Variants in GPR155 observed in about 807,000 individuals in gnomAD.
GPR155 encodes G protein-coupled receptor 155.
In GPR155, 65 loss-of-function variants were observed where a neutral mutation model predicts 93.1. That is an observed-to-expected ratio of 0.70 (90% CI 0.57 to 0.86). The LOEUF is 0.86. Ranked by LOEUF, GPR155 falls within the 40% of genes least tolerant of loss-of-function variation. The pLI is 0.00. For synonymous variants in GPR155, 319 were observed against 360.1 expected (o/e 0.89, Z 1.29); for missense variants, 838 against 1,034.8 (o/e 0.81, Z 2.61).
chr2:174,476,034 A>G (rs1449858826), intron 2 of GPR155, among the ~76,000 whole-genome samples: 1 of 152,188 alleles, frequency 6.6e-6, no homozygotes, highest in African/African-American at 2.4e-5. Context: ...TTGTTTTAAG[A>G]ACTCAGTGCA....
At chr2:174,465,482 A>G (rs752908087) in intron 7 of GPR155, among the ~76,000 whole-genome samples, 4 of 152,158 alleles carry the variant, frequency 2.6e-5, no homozygotes, top group Non-Finnish European at 5.9e-5. Context: ...GCCTTTCTCC[A>G]TCTGCCTTCA....
At chr2:174,475,201 G>A (rs374003133) in intron 2 of GPR155, among the ~76,000 whole-genome samples, 17 of 147,824 alleles carry the variant, frequency 1.2e-4, no homozygotes, top group Admixed American at 2.7e-4. Flanking sequence ...AGGCTGAGGC[G>A]GGAGAATGGC....
chr2:174,444,861 C>T (rs773244479), intron 13 of GPR155, among the ~76,000 whole-genome samples: 1 of 152,062 alleles, frequency 6.6e-6, no homozygotes, highest in Non-Finnish European at 1.5e-5. Context: ...AAGCACTCAG[C>T]GTACATTCTG....
intron 5 of GPR155, among the ~76,000 whole-genome samples, chr2:174,467,198 C>CAA (rs544972072): frequency 6.6e-6 from 1 of 150,726 alleles, no homozygotes; most frequent in Non-Finnish European, 1.5e-5. Context: ...CAAAGCAAAA[C>CAA]AAAAAAAAAC....
At chr2:174,473,508 T>G (rs2105729375) in intron 2 of GPR155, 144 bp from the exon 3 acceptor site, 1 of 550,784 alleles carries the variant, frequency 1.8e-6, no homozygotes, top group East Asian at 3.3e-5. Flanking sequence ...GAAAAGTACA[T>G]TTTAGTAATA....
Position 174,481,838 on chromosome 2 carries a change from G to C in GPR155, c.119C>G (p.Thr40Arg). The stretch of plus-strand genomic sequence containing the variant: ...TTCCAGTAAGGCTGGAAAAAGCCTT[G>C]TAATTGACATTGAAGGTGGGTCATT... ...STNDPPSMSI[T>R]RLFPALLECF... Residue 40 changes from threonine (T) to arginine (R), a missense_variant, in exon 2 of 16, where the codon ACA becomes AGA. Transcript: ENST00000392552. 1 of 1,614,138 alleles carries C rather than the reference G, an allele frequency of 6.2e-7. No homozygotes were observed. Among genetic ancestry groups the C allele is most frequent in the Non-Finnish European group, 8.5e-7 (1 of 1,179,950 alleles).
At chr2:174,437,000 A>C (rs1161435201) in intron 15 of GPR155, among the ~76,000 whole-genome samples, 1 of 152,258 alleles carries the variant, frequency 6.6e-6, no homozygotes, top group Admixed American at 6.5e-5. Context: ...TTCATTAGGA[A>C]GCAAGGAAAG....
Position 174,459,875 on chromosome 2 carries a change from T to C in GPR155, c.1771+3A>G, listed in dbSNP as rs1687631641. 1 of 1,585,786 alleles carries C rather than the reference T, an allele frequency of 6.3e-7. No homozygotes were observed. The highest frequency in any genetic ancestry group is 8.7e-7 in the Non-Finnish European group (1 of 1,155,194). On this transcript the variant is annotated splice_donor_region_variant and intron_variant, in intron 10 of 15. Transcript: ENST00000392552. ...AATAAAAATAAAATTAAAAAGATCATACTTGTTTCTGGAATAGAGCTTGTA... is the reference window on the plus strand; with the variant it reads ...AATAAAAATAAAATTAAAAAGATCACACTTGTTTCTGGAATAGAGCTTGTA...
chr2:174,460,913 G>A (rs1181015065), intron 9 of GPR155, among the ~76,000 whole-genome samples: 1 of 152,066 alleles, frequency 6.6e-6, no homozygotes, highest in African/African-American at 2.4e-5. Flanking sequence ...AAAAGAGTAA[G>A]AAATCAAAAT....
chr2:174,466,629 T>C lies in GPR155; in HGVS notation c.1183-2A>G, dbSNP rs1274924786. 3.3e-6 allele frequency: 5 copies of C among 1,535,358 alleles called. No homozygotes were observed. The highest frequency in any genetic ancestry group is 3.6e-5 in the Admixed American group (2 of 55,022). On this transcript the variant is annotated splice_acceptor_variant, in intron 5 of 15. Coordinates refer to ENST00000392552, the MANE Select transcript of GPR155 (RefSeq NM_152529.7). LOFTEE classifies it high-confidence loss of function. ...AAGAAGAATAGCCAGAGACCAGATC[T>C]TGAAGACAAAAGGTTCAAAAGTTAT...
intron 6 of GPR155, 126 bp from the exon 7 acceptor site, chr2:174,466,028 G>C (rs1024330913): frequency 1.8e-6 from 1 of 562,854 alleles, no homozygotes; most frequent in Non-Finnish European, 3.2e-6. Context: ...ATAATTATTT[G>C]TTTAAAATTT....
At chr2:174,440,504 A>G (rs548470604) in intron 14 of GPR155, among the ~76,000 whole-genome samples, 1 of 152,276 alleles carries the variant, frequency 6.6e-6, no homozygotes, top group African/African-American at 2.4e-5. Context: ...ACACATTAGA[A>G]TCGTTGATTA....
intron 11 of GPR155, 116 bp from the exon 12 acceptor site, chr2:174,446,863 T>C (rs1324047838): frequency 2.2e-6 from 2 of 904,020 alleles, no homozygotes; most frequent in Non-Finnish European, 3.5e-6. Context: ...TAAGAATCAG[T>C]ATATTATTTT....
Position 174,436,268 on chromosome 2 carries a change from C to G in GPR155, c.2461G>C (p.Glu821Gln). Reference sequence around the variant, plus strand: ...AAGTACTCATCCCGGAATTCATACTCGTTGGTAATATGTTGGATGACTCCC... The same window carrying G: ...AAGTACTCATCCCGGAATTCATACTGGTTGGTAATATGTTGGATGACTCCC... ...QGGVIQHITN[E>Q]YEFRDEYLFY... is the part of the protein sequence containing the mutation. The change falls in exon 16 of 16, where the codon GAG (glutamate) becomes CAG (glutamine). Residue 821 changes from glutamate (E) to glutamine (Q), a missense_variant. Transcript: ENST00000392552. The G allele has an allele frequency of 6.2e-7, 1 of 1,614,118 alleles. No homozygotes were observed. Among genetic ancestry groups the G allele is most frequent in the Non-Finnish European group, 8.5e-7 (1 of 1,179,966 alleles).
At chr2:174,486,077 T>C (rs1489272046) in intron 1 of GPR155, among the ~76,000 whole-genome samples, 1 of 152,194 alleles carries the variant, frequency 6.6e-6, no homozygotes, top group Non-Finnish European at 1.5e-5. Flanking sequence ...AGGCTATTTC[T>C]CAAACATCCA....
rs567889139 is a variant in GPR155, at chr2:174,438,531, CAG to C, written c.2312+1365_2312+1366del. On this transcript the variant is annotated intron_variant, in intron 15 of 15. Transcript: ENST00000392552. The stretch of plus-strand genomic sequence containing the variant: ...GGTTTTTGTTTGTTTGTTTTTGAGA[CAG>C]AGTCTTGCTCTGTTGCCCAGCCAGA... Among the ~76,000 whole-genome samples the C allele has an allele frequency of 1.1e-4, 17 of 152,256 alleles. No homozygotes were observed. The South Asian group carries it at 3.3e-3, about 30-fold the overall frequency.
At chr2:174,458,104 T>C in intron 10 of GPR155, among the ~76,000 whole-genome samples, 1 of 152,176 alleles carries the variant, frequency 6.6e-6, no homozygotes, top group Non-Finnish European at 1.5e-5. Flanking sequence ...AGTAATGTAC[T>C]CGGGGTGGGA....
chr2:174,483,653 C>T (rs1003324483), intron 1 of GPR155, among the ~76,000 whole-genome samples: 3 of 151,788 alleles, frequency 2.0e-5, no homozygotes, highest in Non-Finnish European at 2.9e-5. Context: ...GGCGTGATTG[C>T]GGCTCACCTC....
intron 4 of GPR155, 71 bp downstream of exon 4, chr2:174,470,319 A>C (rs910947385): frequency 3.3e-6 from 4 of 1,213,924 alleles, no homozygotes; most frequent in African/African-American, 3.1e-5. Context: ...AATTTTAAAA[A>C]ATTTGAAATG....
Sources: allele counts gnomAD v4.1 joint callset (sites outside exome capture counted in the v4.1 genomes callset), GRCh38; gene constraint gnomAD v4.1.1; transcripts MANE v1.5; gene names NCBI Gene and HGNC (gene_info 2026-07-23, HGNC 2026-07-21).